Variants in SEC23IP observed in about 807,000 individuals in gnomAD.
SEC23IP encodes SEC23-interacting protein.
SEC23IP carries 70 observed loss-of-function variants against 113.4 expected under a neutral mutation model. The ratio of observed to expected loss-of-function variants is 0.62; its 90% CI spans 0.51 to 0.75. The LOEUF is 0.75. Among genes scored for constraint, SEC23IP ranks in the 30% least tolerant of loss-of-function variants. The pLI is 0.00. For synonymous variants in SEC23IP, 398 were observed against 421.0 expected (o/e 0.95, Z 0.67); for missense variants, 1,160 against 1,204.9 (o/e 0.96, Z 0.55).
intron 6 of SEC23IP, among the ~76,000 whole-genome samples, chr10:119,912,753 G>C (rs2456719): frequency 2.4e-4 from 36 of 149,662 alleles, no homozygotes; most frequent in African/African-American, 8.6e-4. Flanking sequence ...CGATTCTCTT[G>C]CCTCAGCCTC....
chr10:119,933,823 T>A (rs574049976), intron 18 of SEC23IP, 36 bp downstream of exon 18: 9 of 1,060,310 alleles, frequency 8.5e-6, no homozygotes, highest in Non-Finnish European at 1.3e-5. Flanking sequence ...AAATTCTGAA[T>A]GTTTGCATTC....
chr10:119,930,217 A>C, intron 14 of SEC23IP, 112 bp from the exon 15 acceptor site: 2 of 544,124 alleles, frequency 3.7e-6, no homozygotes, highest in Non-Finnish European at 6.5e-6. Context: ...TGTGGAGAAA[A>C]ATAAAAATCT....
chr10:119,897,337 G>A (rs904508580), intron 1 of SEC23IP, among the ~76,000 whole-genome samples: 1 of 152,208 alleles, frequency 6.6e-6, no homozygotes, highest in Non-Finnish European at 1.5e-5. Flanking sequence ...TTACAACTTG[G>A]TAGTAGAACA....
At chr10:119,937,811 T>C (rs1171447160) in intron 18 of SEC23IP, among the ~76,000 whole-genome samples, 1 of 152,210 alleles carries the variant, frequency 6.6e-6, no homozygotes, top group Non-Finnish European at 1.5e-5. Context: ...TGCCATATAT[T>C]GAATAATGTA....
At chr10:119,929,150 C>T (rs1855508554) in intron 13 of SEC23IP, among the ~76,000 whole-genome samples, 1 of 152,134 alleles carries the variant, frequency 6.6e-6, no homozygotes, top group Non-Finnish European at 1.5e-5. Flanking sequence ...TTCTTATATA[C>T]TATTATGCCG....
chr10:119,914,756 G>T lies in SEC23IP; in HGVS notation c.1339G>T (p.Val447Leu). Residue 447 changes from valine to leucine, a missense_variant, in exon 7 of 19, where the codon GTG (valine) becomes TTG (leucine). Transcript: ENST00000369075. ...GGAGATGCCTCAAGTTGACCATTTGGTGTTTGTGGTGCATGGCATTGGACC... is the reference window on the plus strand; with the variant it reads ...GGAGATGCCTCAAGTTGACCATTTGTTGTTTGTGGTGCATGGCATTGGACC... ...DGEMPQVDHL[V>L]FVVHGIGPVC... The T allele has an allele frequency of 6.2e-7, 1 of 1,614,132 alleles. No homozygotes were observed. The highest frequency in any genetic ancestry group is 8.5e-7 in the Non-Finnish European group (1 of 1,179,996).
chr10:119,915,428 T>C (rs1360580750), intron 7 of SEC23IP, among the ~76,000 whole-genome samples: 2 of 152,056 alleles, frequency 1.3e-5, no homozygotes, highest in Non-Finnish European at 2.9e-5. Context: ...TCACAGTCAG[T>C]AGGGCCTGGA....
intron 18 of SEC23IP, among the ~76,000 whole-genome samples, chr10:119,937,818 T>C (rs143940693): frequency 1.6e-4 from 25 of 152,336 alleles, no homozygotes; most frequent in African/African-American, 6.0e-4. Context: ...TATTGAATAA[T>C]GTACCCTTTT....
In SEC23IP at chr10:119,920,955, A is replaced by T. The variant is rs138630501; in HGVS notation, c.2092A>T (p.Asn698Tyr). ...IPLGPRKKIA[N>Y]FVEHKAAKLK... is the part of the protein sequence containing the mutation. ...CCTTGGACCCAGAAAGAAGATAGCT[A>T]ACTTTGTAGAACATAAAGCAGCCAA... Residue 698 changes from asparagine (N) to tyrosine (Y), a missense_variant, in exon 12 of 19, where the codon AAC (asparagine) becomes TAC (tyrosine). Asn to Tyr is a moderately radical substitution (Grantham distance 143, BLOSUM62 -2). Coordinates refer to ENST00000369075, the MANE Select transcript of SEC23IP (RefSeq NM_007190.4). The T allele has an allele frequency of 6.2e-7, 1 of 1,613,722 alleles. No individual in the cohort carries two copies. The highest frequency in any genetic ancestry group is 8.5e-7 in the Non-Finnish European group (1 of 1,179,684).
chr10:119,909,016 A>G, intron 4 of SEC23IP, 25 bp from the exon 5 acceptor site: 1 of 1,487,676 alleles, frequency 6.7e-7, no homozygotes, highest in Non-Finnish European at 9.3e-7. Context: ...TCATGTTGGA[A>G]TATATGTTGT....
At chr10:119,915,973 A>G (rs1365698595) in intron 8 of SEC23IP, 84 bp downstream of exon 8, 2 of 1,157,308 alleles carry the variant, frequency 1.7e-6, no homozygotes, top group Non-Finnish European at 2.3e-6. Flanking sequence ...AGTTTATTGT[A>G]GCTTCAATCA....
chr10:119,915,763 T>C lies in SEC23IP; in HGVS notation c.1418T>C (p.Val473Ala), dbSNP rs1168435063. The C allele has an allele frequency of 1.9e-6, 3 of 1,579,094 alleles. No individual in the cohort carries two copies. The highest frequency in any genetic ancestry group is 2.6e-6 in the Non-Finnish European group (3 of 1,163,042). ...SIIECVDDFRVVSLKLLRTHF... is the reference protein window; with the variant it reads ...SIIECVDDFRAVSLKLLRTHF... ...TCTTTTGAAGTGGATGATTTTAGGG[T>C]GGTTTCTCTCAAATTGCTGCGGACA... is the stretch of plus-strand genomic sequence containing the variant. Residue 473 changes from valine to alanine, a missense_variant, in exon 8 of 19, where the codon GTG becomes GCG. By Grantham distance (64) the Val-to-Ala change is moderately conservative. Coordinates refer to ENST00000369075, the MANE Select transcript of SEC23IP (RefSeq NM_007190.4).
In SEC23IP at chr10:119,920,931, C is replaced by G; in HGVS notation, c.2068C>G (p.Leu690Val). 1.2e-6 allele frequency: 2 copies of G among 1,613,798 alleles called. No homozygotes were observed. The highest frequency in any genetic ancestry group is 2.2e-5 in the South Asian group (2 of 91,060). ...TGACCTGAAGGAAATGGGGATACCC[C>G]TTGGACCCAGAAAGAAGATAGCTAA... is the stretch of plus-strand genomic sequence containing the variant. ...VDDLKEMGIP[L>V]GPRKKIANFV... Residue 690 changes from leucine to valine, a missense_variant, in exon 12 of 19, where the codon CTT becomes GTT. Transcript: ENST00000369075.
chr10:119,897,377 C>T (rs1009032130), intron 1 of SEC23IP, among the ~76,000 whole-genome samples: 3 of 152,110 alleles, frequency 2.0e-5, no homozygotes, highest in Non-Finnish European at 4.4e-5. Context: ...TCGTTAATAC[C>T]CACAGTGAAC....
At chr10:119,938,143 A>T (rs1038412459) in intron 18 of SEC23IP, among the ~76,000 whole-genome samples, 1 of 148,964 alleles carries the variant, frequency 6.7e-6, no homozygotes, top group Non-Finnish European at 1.5e-5. Flanking sequence ...AAAAAAAAAA[A>T]AAATTTAAGT....
intron 1 of SEC23IP, 112 bp from the exon 2 acceptor site, chr10:119,898,315 G>T: frequency 7.4e-7 from 1 of 1,350,506 alleles, no homozygotes; most frequent in Non-Finnish European, 9.6e-7. Context: ...TGCAGAAATA[G>T]CAAGTTTGAA....
In SEC23IP at chr10:119,902,801, T is replaced by A; in HGVS notation, c.699T>A (p.Val233=). The A allele has an allele frequency of 6.2e-7, 1 of 1,613,690 alleles. No homozygotes were observed. The highest frequency in any genetic ancestry group is 8.5e-7 in the Non-Finnish European group (1 of 1,179,816). ...YQMPPGSLPP[V]PSSVQSPAQQ... Reference sequence around the variant, plus strand: ...CTTAACTTTGCCGTCCCCTCCAGGTTCCTTCTTCAGTGCAGTCACCGGCAC... The same window carrying A: ...CTTAACTTTGCCGTCCCCTCCAGGTACCTTCTTCAGTGCAGTCACCGGCAC... Residue 233 remains valine (V), a splice_region_variant and synonymous_variant, in exon 3 of 19, where the codon GTT becomes GTA. Coordinates refer to ENST00000369075, the MANE Select transcript of SEC23IP (RefSeq NM_007190.4).
intron 12 of SEC23IP, among the ~76,000 whole-genome samples, chr10:119,923,002 T>TAAAAA (rs57132392): frequency 6.9e-6 from 1 of 145,346 alleles, no homozygotes; most frequent in African/African-American, 2.5e-5. Context: ...CAAAAGCCTA[T>TAAAAA]AAAAAAAAAA....
intron 12 of SEC23IP, among the ~76,000 whole-genome samples, chr10:119,922,863 A>T (rs952858639): frequency 6.6e-6 from 1 of 152,118 alleles, no homozygotes; most frequent in Non-Finnish European, 1.5e-5. Context: ...GTAGATCCCC[A>T]GGCTTTTGTC....
Sources: allele counts gnomAD v4.1 joint callset (sites outside exome capture counted in the v4.1 genomes callset), GRCh38; gene constraint gnomAD v4.1.1; transcripts MANE v1.5; gene names NCBI Gene and HGNC (gene_info 2026-07-23, HGNC 2026-07-21).